NFIB: variants seen among roughly 807,000 people sequenced by gnomAD.
NFIB encodes nuclear factor 1 B-type.
Under a neutral mutation model 61.5 loss-of-function variants are expected in NFIB, and 11 were observed. The observed-to-expected ratio is 0.18, with a 90% CI of 0.11 to 0.30. The LOEUF (loss-of-function observed/expected upper bound fraction) is 0.30. Among genes scored for constraint, NFIB ranks in the 10% least tolerant of loss-of-function variants. NFIB has a pLI of 1.00. For synonymous variants in NFIB, 260 were observed against 216.5 expected (o/e 1.20, Z -1.76); for missense variants, 471 against 608.9 (o/e 0.77, Z 2.38).
rs548618850 is a variant in NFIB, at chr9:14,088,120, T to A, written c.*189A>T. On this transcript the variant is annotated 3_prime_UTR_variant, in exon 11 of 11. Transcript: ENST00000380953. Reference sequence around the variant, plus strand: ...CTTTCCTTTCTGCCTTTGTGTTGTTTTGTCCAGTCTTCCTCTTTTCCTTTT... The same window carrying A: ...CTTTCCTTTCTGCCTTTGTGTTGTTATGTCCAGTCTTCCTCTTTTCCTTTT... 1,429 of 1,281,124 alleles carry A rather than the reference T, an allele frequency of 1.1e-3. No individual in the cohort carries two copies. Among genetic ancestry groups the A allele is most frequent in the Non-Finnish European group, 1.2e-3 (1,209 of 980,284 alleles). The allele number at this position is 1,281,124 out of a possible 1,614,324, so 79.4% of individuals were successfully genotyped here.
the NFIB span, among the ~76,000 whole-genome samples, chr9:14,430,316 C>G: frequency 1.3e-5 from 2 of 151,070 alleles, no homozygotes; most frequent in Non-Finnish European, 2.9e-5. Flanking sequence ...GATTATACAG[C>G]GAATTAAGAC....
the NFIB span, among the ~76,000 whole-genome samples, chr9:14,432,834 T>A: frequency 6.6e-6 from 1 of 152,208 alleles, no homozygotes; most frequent in African/African-American, 2.4e-5. Context: ...TATTTTTGGG[T>A]CCATAATCAG....
At chr9:14,510,026 AGC>A in the NFIB span, among the ~76,000 whole-genome samples, 2 of 152,248 alleles carry the variant, frequency 1.3e-5, no homozygotes, top group Admixed American at 6.5e-5. Context: ...CCTCCTGAGT[AGC>A]TGGGATACAG....
chr9:14,244,013 T>C (rs1326387796), intron 2 of NFIB, among the ~76,000 whole-genome samples: 3 of 152,204 alleles, frequency 2.0e-5, no homozygotes, highest in East Asian at 3.8e-4. Context: ...GACACACAAA[T>C]CAGTACTATT....
At chr9:14,338,925 A>G (rs2060917298) in intron 1 of NFIB, among the ~76,000 whole-genome samples, 1 of 150,812 alleles carries the variant, frequency 6.6e-6, no homozygotes, top group African/African-American at 2.5e-5. Flanking sequence ...ACTGTCACCA[A>G]TCACGTTAAC....
intron 2 of NFIB, among the ~76,000 whole-genome samples, chr9:14,232,569 A>AATT (rs2053315530): frequency 1.3e-5 from 2 of 152,320 alleles, no homozygotes; most frequent in Admixed American, 6.5e-5. Flanking sequence ...GGGAGACAGG[A>AATT]AGACTAAAGG....
At chr9:14,514,030 T>A in the NFIB span, among the ~76,000 whole-genome samples, 2 of 152,232 alleles carry the variant, frequency 1.3e-5, no homozygotes, top group Non-Finnish European at 2.9e-5. Context: ...GCCTTAATAA[T>A]TTTTATCAAT....
At chr9:14,335,055 A>G (rs1226358873) in intron 1 of NFIB, among the ~76,000 whole-genome samples, 1 of 152,210 alleles carries the variant, frequency 6.6e-6, no homozygotes, top group Non-Finnish European at 1.5e-5. Context: ...ATTGTATTGT[A>G]TAACATAATT....
At chr9:14,531,776 C>G in the NFIB span, 2 of 152,036 alleles carry the variant, frequency 1.3e-5, no homozygotes, top group South Asian at 4.1e-4. Context: ...GAAATCCTAT[C>G]TAGCACACTG....
chr9:14,480,785 G>A, the NFIB span, among the ~76,000 whole-genome samples: 24 of 152,246 alleles, frequency 1.6e-4, no homozygotes, highest in East Asian at 4.6e-3. Context: ...GCTGCCTCCT[G>A]CTGAGATGGA....
At chr9:14,459,093 A>T in the NFIB span, among the ~76,000 whole-genome samples, 3 of 152,062 alleles carry the variant, frequency 2.0e-5, no homozygotes, top group Admixed American at 6.5e-5. Flanking sequence ...AGCTGGAGGC[A>T]TCACGCTACC....
At chr9:14,439,305 G>A in the NFIB span, among the ~76,000 whole-genome samples, 1 of 152,184 alleles carries the variant, frequency 6.6e-6, no homozygotes, top group Admixed American at 6.5e-5. Context: ...AGGAGGTCAA[G>A]GCTATAGTGA....
At chr9:14,314,463 C>G (rs2060446071), upstream of NFIB, 1 of 152,092 alleles carries the variant, frequency 6.6e-6, no homozygotes, top group South Asian at 2.1e-4. Context: ...TCCCGCTCGG[C>G]TCCAAACTCC....
intron 1 of NFIB, among the ~76,000 whole-genome samples, chr9:14,354,866 T>C (rs2061156793): frequency 6.6e-6 from 1 of 151,756 alleles, no homozygotes; most frequent in Middle Eastern, 3.2e-3. Context: ...ACCTTAGCTT[T>C]ACAGATGTGA....
intron 4 of NFIB, 61 bp from the exon 5 acceptor site, chr9:14,150,326 T>C (rs1266283013): frequency 6.2e-7 from 1 of 1,606,602 alleles, no homozygotes; most frequent in Non-Finnish European, 8.5e-7. Context: ...TCTATTCAAA[T>C]GTAATAATCG....
At chr9:14,346,296 C>CCG (rs1554715702) in intron 1 of NFIB, among the ~76,000 whole-genome samples, 1 of 142,630 alleles carries the variant, frequency 7.0e-6, no homozygotes, top group South Asian at 2.6e-4. Flanking sequence ...CGACACCCCC[C>CCG]CCCCGTAACC....
chr9:14,514,219 A>G, the NFIB span, among the ~76,000 whole-genome samples: 2 of 152,164 alleles, frequency 1.3e-5, no homozygotes, highest in Non-Finnish European at 2.9e-5. Flanking sequence ...GATCTGATAT[A>G]TGTTGATCTG....
intron 2 of NFIB, among the ~76,000 whole-genome samples, chr9:14,244,332 A>C (rs1426733829): frequency 1.3e-5 from 2 of 152,246 alleles, no homozygotes; most frequent in African/African-American, 4.8e-5. Flanking sequence ...TTATAGTAGA[A>C]AACAAAGTTA....
At chr9:14,424,559 A>G in the NFIB span, among the ~76,000 whole-genome samples, 1 of 152,140 alleles carries the variant, frequency 6.6e-6, no homozygotes, top group African/African-American at 2.4e-5. Flanking sequence ...ACCCAATTAG[A>G]AGACAAAGAA....
Sources: gnomAD v4.1 joint callset for allele counts (sites outside exome capture counted in the v4.1 genomes callset) on GRCh38, gnomAD v4.1.1 for gene constraint, MANE v1.5 for transcripts, NCBI Gene and HGNC (gene_info 2026-07-23, HGNC 2026-07-21) for gene names.